Variants in ABCG1 observed in about 807,000 individuals in gnomAD.
The protein encoded by ABCG1 is ATP-binding cassette sub-family G member 1.
ABCG1 carries 29 observed loss-of-function variants against 69.2 expected under a neutral mutation model. That is an observed-to-expected ratio of 0.42 (90% confidence interval 0.31 to 0.57). The LOEUF (loss-of-function observed/expected upper bound fraction) is 0.57, where lower values mean the gene tolerates loss of function less well. ABCG1 is among the 20% of genes least tolerant of loss of function. The pLI, the probability that ABCG1 is intolerant of heterozygous loss-of-function variation, is 0.15. For missense variants in ABCG1, 718 were observed against 898.1 expected (o/e 0.80, Z 2.56); for synonymous variants, 370 against 374.8 (o/e 0.99, Z 0.15).
upstream of ABCG1, among the ~76,000 whole-genome samples, chr21:42,215,681 G>C (rs947246368): frequency 2.0e-5 from 3 of 152,194 alleles, no homozygotes; most frequent in African/African-American, 4.8e-5. Flanking sequence ...TGGGACAAAA[G>C]GGCGTCTTCT....
Position 42,288,374 on chromosome 21 carries a change from T to G in ABCG1, c.1224+62T>G, listed in dbSNP as rs998713712. 1.6e-6 allele frequency: 2 copies of G among 1,252,730 alleles called. No homozygotes were observed. Among genetic ancestry groups the G allele is most frequent in the Non-Finnish European group, 2.3e-6 (2 of 861,912 alleles). 77.6% of individuals were successfully genotyped at this position (1,252,730 alleles called of 1,614,324 possible). ...CCCGTGGGTCATTTTCTCAGACTCG[T>G]CCTGACGGAATGTGTTCGTTCATTC... On this transcript the variant is annotated intron_variant, in intron 10 of 14. Transcript: ENST00000398449. This position sits in a 1 kb window ranked among gnomAD's most constrained non-coding sequence, Gnocchi z 4.8.
In ABCG1 at chr21:42,276,991, A is replaced by G; in HGVS notation, c.588+46A>G. On this transcript the variant is annotated intron_variant, in intron 5 of 14. Transcript: ENST00000398449. The surrounding 1 kb of genome is among the most constrained non-coding windows in gnomAD (Gnocchi z 5.3). Reference sequence around the variant, plus strand: ...CCACAAGTGGTCCAGAAAGTGCATGACGTGCATGTGGAAGGTGTGCCTGCC... The same window carrying G: ...CCACAAGTGGTCCAGAAAGTGCATGGCGTGCATGTGGAAGGTGTGCCTGCC... The G allele has an allele frequency of 6.2e-7, 1 of 1,601,840 alleles. No homozygotes were observed. Among genetic ancestry groups the G allele is most frequent in the Non-Finnish European group, 8.6e-7 (1 of 1,169,218 alleles).
intron 2 of ABCG1, among the ~76,000 whole-genome samples, chr21:42,251,543 T>TGAC (rs35921043): frequency 1.5e-3 from 233 of 151,650 alleles, no homozygotes; most frequent in African/African-American, 5.3e-3. Flanking sequence ...AAGGTTGGGA[T>TGAC]GATAGGGTGG....
At chr21:42,279,632 T>C (rs1244891895) in intron 5 of ABCG1, among the ~76,000 whole-genome samples, 1 of 152,234 alleles carries the variant, frequency 6.6e-6, no homozygotes, top group East Asian at 1.9e-4. Context: ...GTGATCCATA[T>C]GGGAGGGGCT....
In ABCG1 at chr21:42,282,395, T is replaced by C. The variant is rs753944583; in HGVS notation, c.710T>C (p.Val237Ala). ...IALELVNNPPVMFFDEPTSGL... is the reference protein window; with the variant it reads ...IALELVNNPPAMFFDEPTSGL... ...CTGGAGCTGGTGAACAACCCTCCAGTCATGTTCTTCGATGAGCCCACCAGG... is the reference window on the plus strand; with the variant it reads ...CTGGAGCTGGTGAACAACCCTCCAGCCATGTTCTTCGATGAGCCCACCAGG... The change falls in exon 6 of 15, where the codon GTC becomes GCC. Residue 237 changes from valine to alanine, a missense_variant. Val to Ala is a moderately conservative substitution (Grantham distance 64). Coordinates refer to ENST00000398449, the MANE Select transcript of ABCG1 (RefSeq NM_016818.3). 4 of 1,613,382 alleles carry C rather than the reference T, an allele frequency of 2.5e-6. No individual in the cohort carries two copies. Among genetic ancestry groups the C allele is most frequent in the Middle Eastern group, 1.7e-4 (1 of 6,036 alleles).
chr21:42,256,316 G>A, intron 2 of ABCG1: 1 of 1,546,834 alleles, frequency 6.5e-7, no homozygotes, highest in Admixed American at 2.0e-5. Context: ...GGAGTCTACA[G>A]AGGGTGGGCC....
Position 42,233,511 on chromosome 21 carries a change from AT to A in ABCG1, c.286+7598del, listed in dbSNP as rs2067931329. On this transcript the variant is annotated intron_variant, in intron 2 of 14. Coordinates refer to ENST00000398449, the MANE Select transcript of ABCG1 (RefSeq NM_016818.3). ...AAATGCTTCTGTCTGTTGAGCTGCAATCTGTATTTGAGCAATGTTCATTTGT... is the reference window on the plus strand; with the variant it reads ...AAATGCTTCTGTCTGTTGAGCTGCAACTGTATTTGAGCAATGTTCATTTGT... Among the ~76,000 whole-genome samples, 6 of 152,336 alleles carry A rather than the reference AT, an allele frequency of 3.9e-5. No individual in the cohort carries two copies. In the South Asian group the frequency reaches 1.2e-3, roughly 32 times the overall value.
Position 42,219,736 on chromosome 21 carries a change from G to A in ABCG1, c.42+432G>A. ...CCCCGCGCGCGCGGCTGTGGGCTTG[G>A]GGACCGGGGACTTCTCGCGCCATCC... is the stretch of plus-strand genomic sequence containing the variant. On this transcript the variant is annotated intron_variant, in intron 1 of 14. Coordinates refer to ENST00000398449, the MANE Select transcript of ABCG1 (RefSeq NM_016818.3). The surrounding 1 kb of genome is among the most constrained non-coding windows in gnomAD (Gnocchi z 5.3). The A allele has an allele frequency of 8.0e-7, 1 of 1,255,992 alleles. No individual in the cohort carries two copies. Among genetic ancestry groups the A allele is most frequent in the Non-Finnish European group, 1.1e-6 (1 of 948,524 alleles). The allele number at this position is 1,255,992 out of a possible 1,614,324, so 77.8% of individuals were successfully genotyped here.
chr21:42,286,584 G>T (rs554644739), intron 8 of ABCG1, among the ~76,000 whole-genome samples: 1 of 152,280 alleles, frequency 6.6e-6, no homozygotes, highest in South Asian at 2.1e-4. Context: ...TTTAAGGTGG[G>T]ACGGGAGCCC....
intron 2 of ABCG1, among the ~76,000 whole-genome samples, chr21:42,232,828 A>G (rs1352790152): frequency 6.6e-6 from 1 of 152,228 alleles, no homozygotes; most frequent in African/African-American, 2.4e-5. Flanking sequence ...TTGTTTATAA[A>G]TTGGCAGGAA....
At chr21:42,286,222 G>A in intron 8 of ABCG1, 6 of 496,566 alleles carry the variant, frequency 1.2e-5, no homozygotes, top group Non-Finnish European at 2.2e-5. Flanking sequence ...CTGTCTCCAT[G>A]TCCTAATCAC....
chr21:42,285,339 G>GA (rs931659008), intron 7 of ABCG1, among the ~76,000 whole-genome samples: 21 of 150,018 alleles, frequency 1.4e-4, no homozygotes, highest in Admixed American at 2.0e-4. Context: ...CTCTACAAAA[G>GA]AAAAAAAAAT....
At chr21:42,200,596 CTTT>C (rs200131320) in intron 1 of ABCG1, among the ~76,000 whole-genome samples, 1 of 138,672 alleles carries the variant, frequency 7.2e-6, no homozygotes, top group Non-Finnish European at 1.5e-5. Flanking sequence ...TTATGTTGCA[CTTT>C]TTTTTTTTTT....
rs61735842 is a variant in ABCG1 at position 42,290,193 on chromosome 21, G to A, written c.1368G>A (p.Ala456=). ...TCTCCATGCTGTTCCTCATGTTCGC[G>A]GCCCTCATGCCTACTGTTCTGACAT... The part of the protein sequence containing the change: ...LFFSMLFLMF[A]ALMPTVLTFP... The change falls in exon 11 of 15, where the codon GCG becomes GCA. Residue 456 remains alanine (A), a synonymous_variant. Transcript: ENST00000398449. 8 of 1,614,030 alleles carry A rather than the reference G, an allele frequency of 5.0e-6. No individual in the cohort carries two copies. The highest frequency in any genetic ancestry group is 1.6e-4 in the Middle Eastern group (1 of 6,062).
At chr21:42,279,640 G>T (rs2068772167) in intron 5 of ABCG1, among the ~76,000 whole-genome samples, 1 of 152,240 alleles carries the variant, frequency 6.6e-6, no homozygotes, top group African/African-American at 2.4e-5. Context: ...TATGGGAGGG[G>T]CTGTGGGATT....
intron 2 of ABCG1, among the ~76,000 whole-genome samples, chr21:42,209,767 G>T (rs781496350): frequency 6.6e-6 from 1 of 152,296 alleles, no homozygotes; most frequent in Middle Eastern, 3.4e-3. Flanking sequence ...ACTATGTGCC[G>T]GCCATGGCTT....
intron 4 of ABCG1, among the ~76,000 whole-genome samples, chr21:42,274,096 C>T (rs2068666660): frequency 6.6e-6 from 1 of 152,240 alleles, no homozygotes; most frequent in South Asian, 2.1e-4. Flanking sequence ...CCTTTAACTG[C>T]CAGCTCAGCT....
chr21:42,294,511 C>G, intron 13 of ABCG1, 31 bp from the exon 14 acceptor site: 1 of 1,572,784 alleles, frequency 6.4e-7, no homozygotes, highest in African/African-American at 1.3e-5. Flanking sequence ...GCAGGTTCTG[C>G]TACATCTGTC....
At chr21:42,289,524 G>A (rs192627648) in intron 10 of ABCG1, among the ~76,000 whole-genome samples, 51 of 152,292 alleles carry the variant, frequency 3.3e-4, no homozygotes, top group African/African-American at 1.0e-3. Context: ...ATTCCTTATA[G>A]GGAAGGAGGT....
Sources: allele counts gnomAD v4.1 joint callset (sites outside exome capture counted in the v4.1 genomes callset), GRCh38; gene constraint gnomAD v4.1.1; non-coding constraint Gnocchi (gnomAD v3.1); transcripts MANE v1.5; gene names NCBI Gene and HGNC (gene_info 2026-07-23, HGNC 2026-07-21).